Variants in MDFIC observed in about 807,000 individuals in gnomAD.
MDFIC encodes myoD family inhibitor domain-containing protein.
In MDFIC, 17 loss-of-function variants were observed where a neutral mutation model predicts 23.2. The observed-to-expected ratio is 0.73, with a 90% confidence interval of 0.50 to 1.10. MDFIC has a LOEUF of 1.10. MDFIC is among the 50% of genes least tolerant of loss of function. The pLI is 0.00. For missense variants in MDFIC, 356 were observed against 316.6 expected, an observed-to-expected ratio of 1.12 and a Z score of -0.95; for synonymous variants, 120 against 115.2, an observed-to-expected ratio of 1.04 and a Z score of -0.27.
At chr7:115,001,657 C>T (rs1319910416) in intron 4 of MDFIC, among the ~76,000 whole-genome samples, 1 of 152,070 alleles carries the variant, frequency 6.6e-6, no homozygotes, top group East Asian at 1.9e-4. Flanking sequence ...CTGCTGTATG[C>T]CCAGGCCAGT....
At chr7:114,928,533 G>A (rs1792241257) in intron 2 of MDFIC, among the ~76,000 whole-genome samples, 2 of 152,182 alleles carry the variant, frequency 1.3e-5, no homozygotes, top group African/African-American at 4.8e-5. Flanking sequence ...GAGATAAGTG[G>A]TAGAAAACAA....
intron 3 of MDFIC, among the ~76,000 whole-genome samples, chr7:114,967,039 A>G (rs928359473): frequency 3.9e-5 from 6 of 152,126 alleles, no homozygotes; most frequent in Non-Finnish European, 5.9e-5. Flanking sequence ...AAATTCTGGT[A>G]AATTTCTGGG....
intron 3 of MDFIC, among the ~76,000 whole-genome samples, chr7:114,975,494 G>A (rs1793292853): frequency 6.6e-6 from 1 of 151,824 alleles, no homozygotes; most frequent in South Asian, 2.1e-4. Flanking sequence ...ATCATTAAAG[G>A]GAGAGTGAGG....
chr7:114,971,159 A>T (rs551427656), intron 3 of MDFIC, among the ~76,000 whole-genome samples: 74 of 152,326 alleles, frequency 4.9e-4, no homozygotes, highest in African/African-American at 1.7e-3. Context: ...AAAGTCTAAC[A>T]TACAAATATA....
chr7:114,963,827 G>A (rs1413875279), intron 3 of MDFIC, among the ~76,000 whole-genome samples: 4 of 152,138 alleles, frequency 2.6e-5, no homozygotes, highest in East Asian at 1.9e-4. Flanking sequence ...TGATCCTCCC[G>A]CCTTGGCCTT....
chr7:115,006,939 C>CTGTTTTTGCTTTG (rs1365690540), intron 4 of MDFIC, among the ~76,000 whole-genome samples: 1 of 5,738 alleles, frequency 1.7e-4, no homozygotes, highest in African/African-American at 3.8e-4. Flanking sequence ...AGTATAGTTT[C>CTGTTTTTGCTTTG]TAGCTTCTGG....
At chr7:114,931,798 T>C (rs553578588) in intron 2 of MDFIC, among the ~76,000 whole-genome samples, 210 of 152,328 alleles carry the variant, frequency 1.4e-3, no homozygotes, top group Non-Finnish European at 2.3e-3. Context: ...ATATACCGTT[T>C]GTAGGGTTTT....
At position 114,997,849 on chromosome 7, in the gene MDFIC, G is replaced by A. The variant is rs142992726; in HGVS notation, c.494-17839G>A. Among the ~76,000 whole-genome samples, 537 of 152,028 alleles carry A rather than the reference G, an allele frequency of 3.5e-3. 3 individuals are homozygous for A. The highest frequency in any genetic ancestry group is 0.01 in the African/African-American group (431 of 41,486). On this transcript the variant is annotated intron_variant, in intron 4 of 4. Coordinates refer to ENST00000393486, the MANE Select transcript of MDFIC (RefSeq NM_001166345.3). ...AGAAAAGAGAAAGAGAAAAGAAAGG[G>A]CCCATGCCTGCAGAGCACTATTTTT... is the stretch of plus-strand genomic sequence containing the variant.
Position 114,979,591 on chromosome 7 carries a change from A to G in MDFIC, c.303A>G (p.Thr101=), listed in dbSNP as rs746599205. The G allele has an allele frequency of 2.5e-6, 4 of 1,614,106 alleles. No homozygotes were observed. The highest frequency in any genetic ancestry group is 3.4e-6 in the Non-Finnish European group (4 of 1,179,996). ...EEIGKIKNGH[T]GLSNGNGIHH... is the part of the protein sequence containing the mutation. ...TAGGCAAGATAAAGAACGGCCACAC[A>G]GGTCTGAGCAATGGAAATGGAATTC... is the stretch of plus-strand genomic sequence containing the variant. Residue 101 remains threonine (T), a synonymous_variant, in exon 4 of 5, where the codon ACA becomes ACG. Transcript: ENST00000393486.
intron 4 of MDFIC, among the ~76,000 whole-genome samples, chr7:114,991,339 A>G (rs1791154933): frequency 6.6e-6 from 1 of 151,970 alleles, no homozygotes; most frequent in South Asian, 2.1e-4. Flanking sequence ...GCTGTGCAGA[A>G]GCTCTTTAGT....
rs181977831 is a variant in MDFIC, at chr7:114,999,583, A to G, written c.494-16105A>G. Among the ~76,000 whole-genome samples, 769 of 152,116 alleles carry G rather than the reference A, an allele frequency of 5.1e-3. 7 individuals are homozygous for G. Among genetic ancestry groups the G allele is most frequent in the Non-Finnish European group, 6.3e-3 (427 of 67,960 alleles). The stretch of plus-strand genomic sequence containing the variant: ...GTTTTGAGAATATTTTATAATTAAT[A>G]TATATAATTCTCAACTAGTATTTTG... On this transcript the variant is annotated intron_variant, in intron 4 of 4. Transcript: ENST00000393486.
Position 115,015,829 on chromosome 7 carries a change from G to A in MDFIC, c.635G>A (p.Cys212Tyr). The A allele has an allele frequency of 6.2e-7, 1 of 1,614,206 alleles. No homozygotes were observed. The change falls in exon 5 of 5, where the codon TGT becomes TAT. Residue 212 changes from cysteine (C) to tyrosine (Y), a missense_variant. Cys to Tyr is a radical substitution (Grantham distance 194, BLOSUM62 -2). Coordinates refer to ENST00000393486, the MANE Select transcript of MDFIC (RefSeq NM_001166345.3). The part of the protein sequence containing the change: ...CCCGDEMGDD[C>Y]NCPCDMDCGI... The stretch of plus-strand genomic sequence containing the variant: ...TGTGGTGACGAGATGGGGGATGATT[G>A]TAACTGCCCTTGTGATATGGACTGT...
intron 3 of MDFIC, among the ~76,000 whole-genome samples, chr7:114,952,022 G>A (rs1013981011): frequency 3.3e-5 from 5 of 152,198 alleles, no homozygotes; most frequent in Non-Finnish European, 7.3e-5. Flanking sequence ...GCGTAGTTTC[G>A]CACCCATGAT....
chr7:114,976,817 A>C (rs1199089460), intron 3 of MDFIC, among the ~76,000 whole-genome samples: 68 of 152,270 alleles, frequency 4.5e-4, no homozygotes, highest in Non-Finnish European at 5.9e-5. Flanking sequence ...AACTGAAGTA[A>C]ACAATGGCTT....
intron 2 of MDFIC, among the ~76,000 whole-genome samples, chr7:114,930,509 T>C (rs1021322775): frequency 2.0e-5 from 3 of 152,172 alleles, no homozygotes; most frequent in Non-Finnish European, 4.4e-5. Flanking sequence ...ATATATATGA[T>C]TGAGTGACCT....
chr7:114,923,417 C>A (rs1792130883), intron 2 of MDFIC: 10 of 1,518,628 alleles, frequency 6.6e-6, no homozygotes, highest in Middle Eastern at 1.7e-4. Flanking sequence ...CATGTTTGGG[C>A]CTAAGACTCA....
At chr7:114,978,548 A>T (rs981481641) in intron 3 of MDFIC, among the ~76,000 whole-genome samples, 16 of 151,832 alleles carry the variant, frequency 1.1e-4, no homozygotes, top group African/African-American at 3.9e-4. Context: ...GCTATTGTGA[A>T]GAGTTATTTT....
intron 4 of MDFIC, among the ~76,000 whole-genome samples, chr7:115,001,678 T>A (rs1477760725): frequency 6.6e-6 from 1 of 151,926 alleles, no homozygotes; most frequent in East Asian, 1.9e-4. Context: ...GTGCTGGAGT[T>A]TGTAGAGAAG....
intron 4 of MDFIC, chr7:115,014,535 T>C (rs1791754015): frequency 1.6e-6 from 2 of 1,287,744 alleles, no homozygotes; most frequent in African/African-American, 3.0e-5. Flanking sequence ...GTGACAATGG[T>C]AAGAGGGTGG....
Sources: gnomAD v4.1 joint callset for allele counts (sites outside exome capture counted in the v4.1 genomes callset) on GRCh38, gnomAD v4.1.1 for gene constraint, MANE v1.5 for transcripts, NCBI Gene and HGNC (gene_info 2026-07-23, HGNC 2026-07-21) for gene names.